Variants in FNDC1 observed in about 807,000 individuals in gnomAD.
The protein encoded by FNDC1 is fibronectin type III domain-containing protein 1.
In FNDC1, 96 loss-of-function variants were observed where a neutral mutation model predicts 168.0. The observed-to-expected ratio is 0.57, with a 90% CI of 0.48 to 0.68. The LOEUF (loss-of-function observed/expected upper bound fraction) is 0.68. FNDC1 is among the 30% of genes least tolerant of loss of function. The pLI, the probability that FNDC1 is intolerant of heterozygous loss-of-function variation, is 0.00. For synonymous variants in FNDC1, 1,099 were observed against 1,025.9 expected (o/e 1.07, Z -1.36); for missense variants, 2,587 against 2,482.1 (o/e 1.04, Z -0.90).
At chr6:159,254,328 TCAAC>T (rs1777330087) in intron 17 of FNDC1, among the ~76,000 whole-genome samples, 1 of 152,166 alleles carries the variant, frequency 6.6e-6, no homozygotes, top group Admixed American at 6.5e-5. Context: ...CCTCAGAGTC[TCAAC>T]CATGCACATG....
chr6:159,173,309 G>C (rs563383994), intron 1 of FNDC1, among the ~76,000 whole-genome samples: 78 of 152,250 alleles, frequency 5.1e-4, no homozygotes, highest in Non-Finnish European at 9.6e-4. Context: ...ATTGAAGGAG[G>C]CTCCTTCCAT....
At chr6:159,201,181 A>C (rs1238746931) in intron 4 of FNDC1, among the ~76,000 whole-genome samples, 1 of 152,256 alleles carries the variant, frequency 6.6e-6, no homozygotes, top group Non-Finnish European at 1.5e-5. Context: ...AAAATAATGT[A>C]AAATGAATGC....
At chr6:159,228,589 GGAAAA>G (rs1295030414) in intron 9 of FNDC1, among the ~76,000 whole-genome samples, 2 of 151,934 alleles carry the variant, frequency 1.3e-5, no homozygotes, top group Middle Eastern at 3.4e-3. Flanking sequence ...TGGAGCTAAG[GGAAAA>G]GAAAAGATCA....
chr6:159,204,412 T>C (rs1371665070), intron 4 of FNDC1, among the ~76,000 whole-genome samples: 1 of 152,128 alleles, frequency 6.6e-6, no homozygotes, highest in Non-Finnish European at 1.5e-5. Context: ...ACTCCTGGAA[T>C]CCCCATCTGA....
intron 1 of FNDC1, among the ~76,000 whole-genome samples, chr6:159,192,926 G>A (rs1278551389): frequency 6.6e-6 from 1 of 152,154 alleles, no homozygotes; most frequent in Non-Finnish European, 1.5e-5. Context: ...GGGCTAGGTT[G>A]GTCTAGTTCC....
In FNDC1 at chr6:159,216,347, T is replaced by C. The variant is rs79007156; in HGVS notation, c.667+1196T>C. ...ATCCTCCCTTTTGTCCAGCCCCTTATTGGGCAAAGGAAGCACTGGCCAGGG... is the reference window on the plus strand; with the variant it reads ...ATCCTCCCTTTTGTCCAGCCCCTTACTGGGCAAAGGAAGCACTGGCCAGGG... On this transcript the variant is annotated intron_variant, in intron 5 of 22. Coordinates refer to ENST00000297267, the MANE Select transcript of FNDC1 (RefSeq NM_032532.3). Among the ~76,000 whole-genome samples the C allele has an allele frequency of 1.3e-3, 205 of 152,304 alleles. 4 individuals are homozygous for C. The East Asian group carries it at 0.033, about 25-fold the overall frequency.
chr6:159,216,464 C>G (rs1044656545), intron 5 of FNDC1, among the ~76,000 whole-genome samples: 5 of 152,206 alleles, frequency 3.3e-5, no homozygotes, highest in African/African-American at 1.2e-4. Flanking sequence ...CGTATTCATC[C>G]ATAAGCCTGG....
chr6:159,173,644 T>C (rs1781706922), intron 1 of FNDC1, among the ~76,000 whole-genome samples: 1 of 152,200 alleles, frequency 6.6e-6, no homozygotes, highest in South Asian at 2.1e-4. Context: ...GCCCGTTCCC[T>C]GAAAACAGGA....
At chr6:159,260,323 C>G (rs1777457459) in intron 18 of FNDC1, among the ~76,000 whole-genome samples, 3 of 152,188 alleles carry the variant, frequency 2.0e-5, no homozygotes. Flanking sequence ...CTCTAACCAC[C>G]ATTCTTTTTC....
At chr6:159,191,559 A>G (rs949209693) in intron 1 of FNDC1, among the ~76,000 whole-genome samples, 25 of 152,230 alleles carry the variant, frequency 1.6e-4, no homozygotes, top group African/African-American at 6.0e-4. Flanking sequence ...TCAGCTGTGT[A>G]TTTTAACTTC....
chr6:159,215,235 A>G, intron 5 of FNDC1, 84 bp downstream of exon 5: 1 of 1,254,524 alleles, frequency 8.0e-7, no homozygotes, highest in South Asian at 1.3e-5. Context: ...ATGACAGAGC[A>G]TTATATTTTA....
chr6:159,249,160 G>A lies in FNDC1; in HGVS notation c.4812G>A (p.Leu1604=), dbSNP rs1777204476. 3.1e-6 allele frequency: 5 copies of A among 1,610,980 alleles called. No individual in the cohort carries two copies. Among genetic ancestry groups the A allele is most frequent in the Non-Finnish European group, 4.2e-6 (5 of 1,178,790 alleles). ...CCTTTCCTGAAGAAGAATTTGATCT[G>A]GCTGGAAGGAAACGATTTGTTGGTA... ...ISSFPEEEFD[L]AGRKRFVAPY... The change falls in exon 16 of 23, where the codon CTG becomes CTA. Residue 1604 remains leucine, a synonymous_variant. Transcript: ENST00000297267.
rs567023753 is a variant in FNDC1 at position 159,225,780 on chromosome 6, T to G, written c.1072+58T>G. ...TTTGGGAATTACACCCAAAATAAGATTTAAAGACAATGTAAGATGCCAATA... is the reference window on the plus strand; with the variant it reads ...TTTGGGAATTACACCCAAAATAAGAGTTAAAGACAATGTAAGATGCCAATA... On this transcript the variant is annotated intron_variant, in intron 8 of 22. Transcript: ENST00000297267. 3.4e-6 allele frequency: 5 copies of G among 1,459,378 alleles called. No homozygotes were observed. In the South Asian group the frequency reaches 6.8e-5, roughly 20 times the overall value. 90.4% of individuals were successfully genotyped at this position (1,459,378 alleles called of 1,614,324 possible). A position where few individuals can be genotyped will look rare whatever the true frequency, so the allele number is the denominator to read the frequency against.
chr6:159,169,662 C>T lies in FNDC1; in HGVS notation c.66C>T (p.Leu22=). Residue 22 remains leucine (L), a synonymous_variant, in exon 1 of 23, where the codon CTC becomes CTT. Transcript: ENST00000297267. This position sits in a 1 kb window ranked among gnomAD's most constrained non-coding sequence, Gnocchi z 6.8. ...PRRLSWAALL[L]LAALLPVASS... Reference sequence around the variant, plus strand: ...GGCTGTCCTGGGCGGCGCTGCTGCTCTTGGCCGCGCTGCTCCCCGTCGCCT... The same window carrying T: ...GGCTGTCCTGGGCGGCGCTGCTGCTTTTGGCCGCGCTGCTCCCCGTCGCCT... 1 of 1,165,892 alleles carries T rather than the reference C, an allele frequency of 8.6e-7. No homozygotes were observed. 72.2% of individuals were successfully genotyped at this position (1,165,892 alleles called of 1,614,324 possible).
At chr6:159,217,898 G>A (rs1372521940) in intron 5 of FNDC1, among the ~76,000 whole-genome samples, 1 of 152,198 alleles carries the variant, frequency 6.6e-6, no homozygotes, top group Non-Finnish European at 1.5e-5. Context: ...GCAAGACCTT[G>A]AATTAGAGAC....
intron 15 of FNDC1, 125 bp from the exon 16 acceptor site, chr6:159,248,906 GGTGTGTGT>G: frequency 3.4e-6 from 2 of 590,172 alleles, no homozygotes; most frequent in Non-Finnish European, 5.5e-6. Flanking sequence ...TTTATTTTAG[GGTGTGTGT>G]GTGTGTGTGT....
At chr6:159,170,237 A>G (rs1781624627) in intron 1 of FNDC1, among the ~76,000 whole-genome samples, 1 of 152,014 alleles carries the variant, frequency 6.6e-6, no homozygotes. Flanking sequence ...GAAGCGCTCC[A>G]GTGCCAGCTC....
intron 9 of FNDC1, among the ~76,000 whole-genome samples, 174 bp from the exon 10 acceptor site, chr6:159,229,641 A>C (rs1258604009): frequency 6.6e-6 from 1 of 152,176 alleles, no homozygotes; most frequent in African/African-American, 2.4e-5. Flanking sequence ...GCCCGAATGA[A>C]TGTGAGTTCA....
chr6:159,215,492 CTT>C (rs1337763507), intron 5 of FNDC1, among the ~76,000 whole-genome samples: 1 of 152,150 alleles, frequency 6.6e-6, no homozygotes, highest in Non-Finnish European at 1.5e-5. Flanking sequence ...GAAGCTTTGT[CTT>C]AGAATCCTAG....
Sources: allele counts gnomAD v4.1 joint callset (sites outside exome capture counted in the v4.1 genomes callset), GRCh38; gene constraint gnomAD v4.1.1; non-coding constraint Gnocchi (gnomAD v3.1); transcripts MANE v1.5; gene names NCBI Gene and HGNC (gene_info 2026-07-23, HGNC 2026-07-21).